The following IL1RAPL1 variants were observed in gnomAD, a reference collection of about 807,000 sequenced individuals.
IL1RAPL1 encodes interleukin-1 receptor accessory protein-like 1.
A neutral mutation model predicts 48.4 loss-of-function variants in IL1RAPL1; 3 were observed. The observed-to-expected ratio is 0.06, with a 90% CI of 0.03 to 0.16. The LOEUF is 0.16. Ranked by LOEUF, IL1RAPL1 falls within the 10% of genes least tolerant of loss-of-function variation. The pLI is 1.00. For synonymous variants in IL1RAPL1, 185 were observed against 187.7 expected (o/e 0.99, Z 0.12); for missense variants, 349 against 530.6 (o/e 0.66, Z 3.36).
intron 5 of IL1RAPL1, among the ~76,000 whole-genome samples, chrX:29,587,109 G>C (rs1480625125): frequency 9.0e-6 from 1 of 111,084 alleles, no homozygotes; most frequent in Non-Finnish European, 1.9e-5. Context: ...CTTATGCAAA[G>C]CTGGGACTGC....
intron 5 of IL1RAPL1, among the ~76,000 whole-genome samples, chrX:29,448,629 G>T (rs180781855): frequency 7.7e-4 from 86 of 112,159 alleles, no homozygotes; most frequent in African/African-American, 2.7e-3. Context: ...TTTAATAGAA[G>T]TTTCAGGTAT....
chrX:29,806,043 T>C (rs1930247706), intron 6 of IL1RAPL1, among the ~76,000 whole-genome samples: 1 of 108,733 alleles, frequency 9.2e-6, no homozygotes, highest in Non-Finnish European at 1.9e-5. Flanking sequence ...GAGAATGTGA[T>C]GAAGGGCAGA....
intron 6 of IL1RAPL1, among the ~76,000 whole-genome samples, chrX:29,847,141 C>T (rs1255074226): frequency 8.9e-6 from 1 of 111,853 alleles, no homozygotes; most frequent in East Asian, 2.8e-4. Context: ...GTAGAAATCT[C>T]TGTAATTCGA....
chrX:29,913,630 G>A (rs2147235176), intron 6 of IL1RAPL1, among the ~76,000 whole-genome samples: 1 of 111,040 alleles, frequency 9.0e-6, no homozygotes, highest in African/African-American at 3.3e-5. Flanking sequence ...TCTTTGCAGT[G>A]CTTATTCCTT....
intron 6 of IL1RAPL1, among the ~76,000 whole-genome samples, chrX:29,732,874 C>T (rs991181179): frequency 1.8e-4 from 20 of 111,872 alleles, no homozygotes; most frequent in African/African-American, 5.5e-4. Context: ...AAATTTGTCG[C>T]ACATTTGTAA....
chrX:28,729,389 A>T (rs1052655051), intron 1 of IL1RAPL1, among the ~76,000 whole-genome samples: 2 of 111,389 alleles, frequency 1.8e-5, no homozygotes, highest in African/African-American at 6.5e-5. Context: ...CTATTATGAA[A>T]TATAGAGGAG....
chrX:29,746,792 G>A (rs1407311854), intron 6 of IL1RAPL1, among the ~76,000 whole-genome samples: 1 of 111,796 alleles, frequency 8.9e-6, no homozygotes, highest in Non-Finnish European at 1.9e-5. Flanking sequence ...ATTTTTAGTA[G>A]AGACAGGGTT....
At chrX:29,573,336 C>T (rs1031377543) in intron 5 of IL1RAPL1, among the ~76,000 whole-genome samples, 7 of 112,523 alleles carry the variant, frequency 6.2e-5, no homozygotes, top group Non-Finnish European at 5.6e-5. Context: ...AGTAGGAATA[C>T]AATTGACTTT....
At chrX:29,822,104 A>G (rs1930632896) in intron 6 of IL1RAPL1, among the ~76,000 whole-genome samples, 1 of 112,147 alleles carries the variant, frequency 8.9e-6, no homozygotes, top group Non-Finnish European at 1.9e-5. Context: ...ATTTAGCATC[A>G]TTTAGAATAA....
chrX:29,255,927 A>G (rs916960203), intron 2 of IL1RAPL1, among the ~76,000 whole-genome samples: 1 of 111,593 alleles, frequency 9.0e-6, no homozygotes, highest in African/African-American at 3.3e-5. Flanking sequence ...ATATGAGTGC[A>G]GGTGTATTTT....
chrX:29,464,582 G>A (rs969027186), intron 5 of IL1RAPL1, among the ~76,000 whole-genome samples: 3 of 111,928 alleles, frequency 2.7e-5, no homozygotes, highest in African/African-American at 9.8e-5. Flanking sequence ...AAGTAACAAA[G>A]AAGTTTTAAA....
intron 1 of IL1RAPL1, among the ~76,000 whole-genome samples, chrX:28,649,657 G>A (rs1934661188): frequency 8.9e-6 from 1 of 112,214 alleles, no homozygotes. Flanking sequence ...ATGTTCTTTG[G>A]GAAATGCTGT....
chrX:28,618,366 A>G (rs1441055518), intron 1 of IL1RAPL1, among the ~76,000 whole-genome samples: 3 of 112,577 alleles, frequency 2.7e-5, no homozygotes, highest in Non-Finnish European at 5.6e-5. Flanking sequence ...TAGAAGAATG[A>G]AAATTGAATA....
chrX:28,879,685 G>A (rs776858003), intron 2 of IL1RAPL1, among the ~76,000 whole-genome samples: 91 of 111,960 alleles, frequency 8.1e-4, no homozygotes, highest in Non-Finnish European at 1.5e-3. Flanking sequence ...TTCAAAATGT[G>A]AAAATGCTTT....
At chrX:29,437,074 A>G (rs1011716628) in intron 5 of IL1RAPL1, among the ~76,000 whole-genome samples, 17 of 111,434 alleles carry the variant, frequency 1.5e-4, no homozygotes, top group African/African-American at 4.9e-4. Flanking sequence ...TTAAAGTAAG[A>G]TCAAATAAGA....
At chrX:29,740,357 G>T (rs193161908) in intron 6 of IL1RAPL1, among the ~76,000 whole-genome samples, 1 of 111,127 alleles carries the variant, frequency 9.0e-6, no homozygotes, top group East Asian at 2.8e-4. Flanking sequence ...GTCATCTCTA[G>T]CTTCCTAATA....
rs746946910 is a variant in IL1RAPL1, at chrX:29,908,769, A to G, written c.779-8695A>G. Among the ~76,000 whole-genome samples, 4 of 112,349 alleles carry G rather than the reference A, an allele frequency of 3.6e-5. No homozygotes were observed. The East Asian group carries it at 8.3e-4, about 23-fold the overall frequency. Reference sequence around the variant, plus strand: ...TTTGAATATTTAAAATAACTTTTTAAAAAGTCAAAATATAGGGCTTTTTAA... The same window carrying G: ...TTTGAATATTTAAAATAACTTTTTAGAAAGTCAAAATATAGGGCTTTTTAA... On this transcript the variant is annotated intron_variant, in intron 6 of 10. Transcript: ENST00000378993.
chrX:29,789,507 T>G (rs1192039447), intron 6 of IL1RAPL1, among the ~76,000 whole-genome samples: 1 of 112,016 alleles, frequency 8.9e-6, no homozygotes, highest in Non-Finnish European at 1.9e-5. Context: ...TCACTTTTAT[T>G]CCAAAGTACA....
chrX:29,668,631 G>A (rs1262259893), intron 6 of IL1RAPL1, 127 bp downstream of exon 6: 1 of 554,205 alleles, frequency 1.8e-6, no homozygotes, highest in Non-Finnish European at 3.1e-6. Flanking sequence ...AACAGAATTA[G>A]AAAATGCTAG....
Sources: gnomAD v4.1 joint callset for allele counts (sites outside exome capture counted in the v4.1 genomes callset) on GRCh38, gnomAD v4.1.1 for gene constraint, MANE v1.5 for transcripts, NCBI Gene and HGNC (gene_info 2026-07-23, HGNC 2026-07-21) for gene names.